Variants in ADGRB3 observed in about 807,000 individuals in gnomAD.
ADGRB3 encodes brain-specific angiogenesis inhibitor 3.
Under a neutral mutation model 193.4 loss-of-function variants are expected in ADGRB3, and 37 were observed. The observed-to-expected ratio is 0.19, with a 90% CI of 0.15 to 0.25. ADGRB3 has a LOEUF of 0.25. Among genes scored for constraint, ADGRB3 ranks in the 10% least tolerant of loss-of-function variants. The pLI is 1.00. For missense variants in ADGRB3, 1,637 were observed against 1,852.9 expected (o/e 0.88, Z 2.14); for synonymous variants, 690 against 644.2 (o/e 1.07, Z -1.08).
At chr6:68,701,125 A>C (rs1033436809) in intron 3 of ADGRB3, among the ~76,000 whole-genome samples, 9 of 151,710 alleles carry the variant, frequency 5.9e-5, no homozygotes, top group African/African-American at 2.2e-4. Flanking sequence ...TATAAAAAGC[A>C]CTTCAAAATG....
At chr6:68,847,981 A>G (rs1017241653) in intron 3 of ADGRB3, among the ~76,000 whole-genome samples, 8 of 151,198 alleles carry the variant, frequency 5.3e-5, no homozygotes, top group African/African-American at 1.9e-4. Context: ...CCTGAGTCAT[A>G]CAACTGAGAA....
intron 18 of ADGRB3, among the ~76,000 whole-genome samples, chr6:69,234,320 T>C (rs1294339841): frequency 2.0e-5 from 3 of 152,180 alleles, no homozygotes; most frequent in Non-Finnish European, 4.4e-5. Flanking sequence ...GCATGTAATC[T>C]TTACATATGT....
At position 69,389,007 on chromosome 6, in the gene ADGRB3, TGCCAAACGTCA is replaced by T; in HGVS notation, c.*118_*128del. ...ACTATCTTATGTCAGGACCTTCATG[TGCCAAACGTCA>T]GTGGTGTTTTCATATGGTAACTTCT... On this transcript the variant is annotated 3_prime_UTR_variant, in exon 32 of 32. Coordinates refer to ENST00000370598, the MANE Select transcript of ADGRB3 (RefSeq NM_001704.3). The T allele has an allele frequency of 9.5e-7, 1 of 1,047,394 alleles. No homozygotes were observed. The highest frequency in any genetic ancestry group is 1.7e-5 in the South Asian group (1 of 59,396). 64.9% of individuals were successfully genotyped at this position (1,047,394 alleles called of 1,614,324 possible). A position where few individuals can be genotyped will look rare whatever the true frequency, so the allele number is the denominator to read the frequency against.
At chr6:68,959,243 A>G (rs1250017450) in intron 8 of ADGRB3, among the ~76,000 whole-genome samples, 2 of 152,114 alleles carry the variant, frequency 1.3e-5, no homozygotes, top group African/African-American at 4.8e-5. Flanking sequence ...TAGCGTTCCT[A>G]ATTTCAGCCA....
At chr6:68,706,110 G>A (rs1449114007) in intron 3 of ADGRB3, among the ~76,000 whole-genome samples, 1 of 152,188 alleles carries the variant, frequency 6.6e-6, no homozygotes, top group African/African-American at 2.4e-5. Flanking sequence ...AGGTCTAGAT[G>A]TAGTTGAGAA....
chr6:69,025,905 T>A (rs1248453698), intron 13 of ADGRB3, among the ~76,000 whole-genome samples: 1 of 152,162 alleles, frequency 6.6e-6, no homozygotes, highest in Non-Finnish European at 1.5e-5. Context: ...AAAGGCTATA[T>A]CAGACCCTGT....
intron 10 of ADGRB3, among the ~76,000 whole-genome samples, chr6:68,981,557 T>C (rs1768909580): frequency 6.6e-6 from 1 of 151,704 alleles, no homozygotes; most frequent in South Asian, 2.1e-4. Flanking sequence ...ACAGGGCTGG[T>C]GAACTGCTTC....
intron 17 of ADGRB3, among the ~76,000 whole-genome samples, chr6:69,112,969 A>G (rs981315409): frequency 6.6e-6 from 1 of 152,078 alleles, no homozygotes; most frequent in Non-Finnish European, 1.5e-5. Flanking sequence ...TCTTGGCCAG[A>G]CTGGTCTAGA....
chr6:69,002,480 G>A (rs1769609407), intron 11 of ADGRB3, among the ~76,000 whole-genome samples: 2 of 152,116 alleles, frequency 1.3e-5, no homozygotes, highest in South Asian at 4.1e-4. Context: ...GCCTCCCAAA[G>A]TGCTGGGATT....
At chr6:69,256,478 G>A (rs576588307) in intron 20 of ADGRB3, among the ~76,000 whole-genome samples, 15 of 152,126 alleles carry the variant, frequency 9.9e-5, no homozygotes, top group East Asian at 7.7e-4. Flanking sequence ...GTGAATGGGC[G>A]TTCACTCATG....
intron 3 of ADGRB3, among the ~76,000 whole-genome samples, chr6:68,760,430 G>A (rs935231223): frequency 6.6e-6 from 1 of 152,156 alleles, no homozygotes; most frequent in Admixed American, 6.6e-5. Flanking sequence ...AATTTTCCAC[G>A]TTAAGCCTTA....
At chr6:68,800,873 GTCTA>G (rs1352739153) in intron 3 of ADGRB3, among the ~76,000 whole-genome samples, 1 of 152,140 alleles carries the variant, frequency 6.6e-6, no homozygotes, top group Non-Finnish European at 1.5e-5. Context: ...AAGGAGAGAA[GTCTA>G]TCTAAATGGG....
intron 3 of ADGRB3, among the ~76,000 whole-genome samples, chr6:68,865,519 C>T: frequency 6.6e-6 from 1 of 152,032 alleles, no homozygotes; most frequent in African/African-American, 2.4e-5. Flanking sequence ...GCTCAGTTAC[C>T]TAGTGTGAAA....
intron 13 of ADGRB3, among the ~76,000 whole-genome samples, chr6:69,040,504 A>G (rs1032513584): frequency 4.0e-5 from 6 of 151,298 alleles, no homozygotes; most frequent in Non-Finnish European, 2.9e-5. Context: ...ATGGCTCTGG[A>G]TTCACCCTGT....
At chr6:69,288,606 T>TTGA (rs1382059332) in intron 20 of ADGRB3, among the ~76,000 whole-genome samples, 1 of 152,186 alleles carries the variant, frequency 6.6e-6, no homozygotes, top group African/African-American at 2.4e-5. Flanking sequence ...TTGTTACAGC[T>TTGA]TGATAGAATT....
At chr6:69,010,695 C>T (rs1431150099) in intron 11 of ADGRB3, among the ~76,000 whole-genome samples, 3 of 149,638 alleles carry the variant, frequency 2.0e-5, no homozygotes, top group Non-Finnish European at 4.4e-5. Flanking sequence ...CTGCCTCGTT[C>T]AAACTCCAAA....
At chr6:68,666,214 A>G (rs756881958) in intron 3 of ADGRB3, among the ~76,000 whole-genome samples, 6 of 151,864 alleles carry the variant, frequency 4.0e-5, no homozygotes, top group Non-Finnish European at 8.8e-5. Context: ...TGAAACTTAA[A>G]TGCTTTCAGT....
At chr6:69,028,989 G>A (rs1347982944) in intron 13 of ADGRB3, among the ~76,000 whole-genome samples, 1 of 152,068 alleles carries the variant, frequency 6.6e-6, no homozygotes, top group African/African-American at 2.4e-5. Context: ...GGGTGAGAGG[G>A]GTACCCACAT....
intron 22 of ADGRB3, among the ~76,000 whole-genome samples, chr6:69,329,054 T>C (rs1024294808): frequency 2.0e-5 from 2 of 98,250 alleles, no homozygotes; most frequent in Non-Finnish European, 4.4e-5. Context: ...ATAAAAGATA[T>C]ACTGAATCTC....
Sources: gnomAD v4.1 joint callset for allele counts (sites outside exome capture counted in the v4.1 genomes callset) on GRCh38, gnomAD v4.1.1 for gene constraint, MANE v1.5 for transcripts, NCBI Gene and HGNC (gene_info 2026-07-23, HGNC 2026-07-21) for gene names.